PDGFD: variants seen among roughly 807,000 people sequenced by gnomAD.
The protein encoded by PDGFD is platelet derived growth factor D, also known as platelet-derived growth factor D.
In PDGFD, 30 loss-of-function variants were observed where a neutral mutation model predicts 44.7. The observed-to-expected ratio is 0.67, with a 90% CI of 0.50 to 0.91. PDGFD has a LOEUF of 0.91. PDGFD is among the 40% of genes least tolerant of loss of function. The probability of loss-of-function intolerance (pLI) is 0.00; values close to 1 mark genes in which losing one functional copy is unlikely to be tolerated. For missense variants in PDGFD, 445 were observed against 457.8 expected, an observed-to-expected ratio of 0.97 and a Z score of 0.25; for synonymous variants, 173 against 168.4, an observed-to-expected ratio of 1.03 and a Z score of -0.21.
chr11:103,931,267 A>G (rs1030069461), intron 5 of PDGFD, among the ~76,000 whole-genome samples: 14 of 152,234 alleles, frequency 9.2e-5, no homozygotes, highest in African/African-American at 3.1e-4. Flanking sequence ...AAATCAAGGT[A>G]TGTAAAGGTA....
In PDGFD at chr11:104,136,911, A is replaced by G. The variant is rs570639301; in HGVS notation, c.124+26893T>C. Among the ~76,000 whole-genome samples the G allele has an allele frequency of 2.0e-4, 31 of 152,342 alleles. 1 individual carries two copies. In the South Asian group the frequency reaches 5.0e-3, roughly 24 times the overall value. ...CATTTTACAGTCACATTTTACTATC[A>G]TACATCATAGGATTTTAGAGCTAGA... On this transcript the variant is annotated intron_variant, in intron 1 of 6. Coordinates refer to ENST00000393158, the MANE Select transcript of PDGFD (RefSeq NM_025208.5).
intron 3 of PDGFD, among the ~76,000 whole-genome samples, chr11:103,977,117 T>C (rs1209909267): frequency 2.0e-5 from 3 of 152,166 alleles, no homozygotes; most frequent in Non-Finnish European, 4.4e-5. Flanking sequence ...TTTCTAGACA[T>C]ACACCCTCCT....
intron 3 of PDGFD, among the ~76,000 whole-genome samples, chr11:103,973,024 C>T (rs1044285272): frequency 6.6e-6 from 1 of 152,002 alleles, no homozygotes. Flanking sequence ...ATGAGTAATA[C>T]AGGAACCTTG....
chr11:103,998,928 C>A (rs1220181795), intron 2 of PDGFD, among the ~76,000 whole-genome samples: 3 of 152,164 alleles, frequency 2.0e-5, no homozygotes, highest in Non-Finnish European at 4.4e-5. Flanking sequence ...CACATCATCA[C>A]CTTTAATAAT....
At chr11:103,914,068 C>G (rs982482941) in intron 6 of PDGFD, among the ~76,000 whole-genome samples, 15 of 152,250 alleles carry the variant, frequency 9.9e-5, no homozygotes, top group Admixed American at 9.8e-4. Context: ...TTTACACCAC[C>G]CTCTGTATTT....
intron 1 of PDGFD, among the ~76,000 whole-genome samples, chr11:104,108,270 C>T (rs1465041530): frequency 6.6e-6 from 1 of 152,004 alleles, no homozygotes; most frequent in African/African-American, 2.4e-5. Flanking sequence ...AATACGCAAC[C>T]TACAGAATGG....
chr11:104,108,038 T>C (rs1861495285), intron 1 of PDGFD, among the ~76,000 whole-genome samples: 1 of 152,166 alleles, frequency 6.6e-6, no homozygotes, highest in Non-Finnish European at 1.5e-5. Context: ...AGATTGCAGA[T>C]GATTGCAAGT....
At chr11:104,087,020 T>C (rs1254438675) in intron 1 of PDGFD, among the ~76,000 whole-genome samples, 2 of 88,862 alleles carry the variant, frequency 2.3e-5, no homozygotes, top group Non-Finnish European at 4.1e-5. Flanking sequence ...AGGCTCTTAG[T>C]CTTTTTTTTT....
chr11:103,926,279 C>A (rs1289002340), intron 6 of PDGFD, among the ~76,000 whole-genome samples: 7 of 152,172 alleles, frequency 4.6e-5, no homozygotes, highest in Admixed American at 3.9e-4. Context: ...TTTTGTCAAG[C>A]AATAAATGCC....
intron 1 of PDGFD, among the ~76,000 whole-genome samples, chr11:104,129,878 G>A (rs7396388): frequency 0.13 from 19,682 of 151,530 alleles, 1,409 homozygotes; most frequent in East Asian, 0.29. Context: ...GCATGGTGGC[G>A]CATGCCTGTA....
At chr11:103,974,502 G>C (rs1423630618) in intron 3 of PDGFD, among the ~76,000 whole-genome samples, 1 of 152,116 alleles carries the variant, frequency 6.6e-6, no homozygotes, top group East Asian at 1.9e-4. Flanking sequence ...GGATACATGT[G>C]CAGAATGTGC....
intron 1 of PDGFD, among the ~76,000 whole-genome samples, chr11:104,111,725 T>C (rs1310969449): frequency 6.6e-6 from 1 of 152,174 alleles, no homozygotes; most frequent in Non-Finnish European, 1.5e-5. Context: ...TCTTCCATAC[T>C]TTAGATAAAT....
At chr11:104,015,947 C>G (rs1485188519) in intron 1 of PDGFD, among the ~76,000 whole-genome samples, 3 of 152,116 alleles carry the variant, frequency 2.0e-5, no homozygotes, top group African/African-American at 7.2e-5. Context: ...GTCCAAAACC[C>G]CAACAGAAAC....
At chr11:103,936,908 C>A (rs1027547409) in intron 5 of PDGFD, among the ~76,000 whole-genome samples, 1 of 151,842 alleles carries the variant, frequency 6.6e-6, no homozygotes, top group Non-Finnish European at 1.5e-5. Flanking sequence ...CCATGGTAGC[C>A]TTGAACTACC....
intron 5 of PDGFD, among the ~76,000 whole-genome samples, chr11:103,931,521 A>G (rs79238870): frequency 0.026 from 3,890 of 152,286 alleles, 173 homozygotes; most frequent in African/African-American, 0.089. Flanking sequence ...GATCATCCAC[A>G]GACTGTCAGA....
intron 1 of PDGFD, among the ~76,000 whole-genome samples, chr11:104,154,025 A>G (rs1223295770): frequency 6.6e-6 from 1 of 152,198 alleles, no homozygotes; most frequent in Non-Finnish European, 1.5e-5. Context: ...AAGGGAAACA[A>G]ACCTATGTAT....
At chr11:103,998,989 C>CT (rs11385988) in intron 2 of PDGFD, among the ~76,000 whole-genome samples, 13,621 of 151,562 alleles carry the variant, frequency 0.09, 711 homozygotes, top group African/African-American at 0.13. Flanking sequence ...AATATTAGTT[C>CT]TTTTTTTTTG....
intron 1 of PDGFD, among the ~76,000 whole-genome samples, chr11:104,109,710 A>G (rs11226162): frequency 0.1 from 15,682 of 152,222 alleles, 958 homozygotes; most frequent in East Asian, 0.32. Flanking sequence ...GCTAATAATT[A>G]AAATTAATGA....
intron 3 of PDGFD, among the ~76,000 whole-genome samples, chr11:103,968,541 T>C (rs976894250): frequency 2.6e-5 from 4 of 152,174 alleles, no homozygotes; most frequent in Non-Finnish European, 5.9e-5. Context: ...AAGTAAAATA[T>C]TCCCAAATTA....
Sources: gnomAD v4.1 joint callset for allele counts (sites outside exome capture counted in the v4.1 genomes callset) on GRCh38, gnomAD v4.1.1 for gene constraint, MANE v1.5 for transcripts, NCBI Gene and HGNC (gene_info 2026-07-23, HGNC 2026-07-21) for gene names.